RBFOX1: variants seen among roughly 807,000 people sequenced by gnomAD.
The protein encoded by RBFOX1 is RNA binding fox-1 homolog 1.
In RBFOX1, 8 loss-of-function variants were observed where a neutral mutation model predicts 57.7. The observed-to-expected ratio is 0.14, with a 90% CI of 0.08 to 0.25. RBFOX1 has a LOEUF of 0.25. Ranked by LOEUF, RBFOX1 falls within the 10% of genes least tolerant of loss-of-function variation. The pLI is 1.00. For synonymous variants in RBFOX1, 326 were observed against 222.4 expected (o/e 1.47, Z -4.15); for missense variants, 611 against 548.5 (o/e 1.11, Z -1.14).
intron 3 of RBFOX1, among the ~76,000 whole-genome samples, chr16:6,658,936 GTTTTTTTTGTTT>G (rs1343036004): frequency 9.2e-6 from 1 of 108,486 alleles, no homozygotes; most frequent in Non-Finnish European, 2.0e-5. Flanking sequence ...TGGTTTTTTT[GTTTTTTTTGTTT>G]TTTTTTTTCC....
chr16:7,370,483 G>A (rs572782355), intron 4 of RBFOX1, among the ~76,000 whole-genome samples: 26 of 152,186 alleles, frequency 1.7e-4, no homozygotes, highest in Admixed American at 4.6e-4. Context: ...TTATCAACGC[G>A]GGTAAGTTCT....
At chr16:6,670,771 G>A (rs555005486) in intron 3 of RBFOX1, among the ~76,000 whole-genome samples, 44 of 152,234 alleles carry the variant, frequency 2.9e-4, no homozygotes, top group African/African-American at 9.9e-4. Flanking sequence ...GCCGAGCTGG[G>A]TGGATCACAA....
chr16:5,964,156 C>G (rs1318230097), intron 4 of RBFOX1, among the ~76,000 whole-genome samples: 1 of 152,126 alleles, frequency 6.6e-6, no homozygotes. Context: ...TGAAAAGGTG[C>G]TCAGCATGAT....
chr16:6,027,133 G>A lies in RBFOX1; in HGVS notation c.-127+7141G>A, dbSNP rs140034762. Among the ~76,000 whole-genome samples the A allele has an allele frequency of 3.4e-3, 521 of 152,280 alleles. 1 individual carries two copies. The highest frequency in any genetic ancestry group is 0.012 in the African/African-American group (497 of 41,570). The stretch of plus-strand genomic sequence containing the variant: ...GTCAGAGATGAGGGTGAGGACTTGA[G>A]GTTTTCAAAATTGTCTTCTTTGTAC... On this transcript the variant is annotated intron_variant, in intron 1 of 15. Coordinates refer to ENST00000550418, the MANE Select transcript of RBFOX1 (RefSeq NM_018723.4).
chr16:6,902,123 A>C (rs4786949), intron 3 of RBFOX1, among the ~76,000 whole-genome samples: 71,579 of 152,034 alleles, frequency 0.47, 17,529 homozygotes, highest in East Asian at 0.76. Context: ...ACTTGAAACC[A>C]GGAGTGCTGG....
At chr16:5,391,896 C>A (rs1299726658) in intron 1 of RBFOX1, among the ~76,000 whole-genome samples, 1 of 151,026 alleles carries the variant, frequency 6.6e-6, no homozygotes, top group South Asian at 2.1e-4. Flanking sequence ...TGTATACACA[C>A]ACACACACAC....
intron 1 of RBFOX1, among the ~76,000 whole-genome samples, chr16:6,224,221 A>T (rs7198447): frequency 0.97 from 146,998 of 151,612 alleles, 71,388 homozygotes; most frequent in South Asian, 1. Context: ...TAAAGTAGTT[A>T]TTTTTTTCCA....
intron 3 of RBFOX1, among the ~76,000 whole-genome samples, chr16:6,866,917 C>T (rs2060035769): frequency 6.6e-6 from 1 of 151,580 alleles, no homozygotes; most frequent in Non-Finnish European, 1.5e-5. Context: ...ATAAGGAAAC[C>T]AGCCCTTATG....
intron 6 of RBFOX1, among the ~76,000 whole-genome samples, chr16:7,580,411 C>T (rs764556039): frequency 5.3e-5 from 8 of 152,186 alleles, no homozygotes; most frequent in Non-Finnish European, 1.0e-4. Flanking sequence ...ACTACTTCTG[C>T]ATAAAGCTGA....
chr16:6,686,876 CAA>C (rs776784953), intron 3 of RBFOX1, among the ~76,000 whole-genome samples: 2 of 152,186 alleles, frequency 1.3e-5, no homozygotes, highest in African/African-American at 2.4e-5. Flanking sequence ...GTGCTTAAGA[CAA>C]TGATAATCTT....
Position 6,900,540 on chromosome 16 carries a change from C to G in RBFOX1, c.-15-151517C>G, listed in dbSNP as rs147042519. ...GCCCTGCCCTTCTCTCAACACTCATCTGCTTCTCCCCTTACTCATTATTTC... is the reference window on the plus strand; with the variant it reads ...GCCCTGCCCTTCTCTCAACACTCATGTGCTTCTCCCCTTACTCATTATTTC... On this transcript the variant is annotated intron_variant, in intron 3 of 15. Transcript: ENST00000550418. Among the ~76,000 whole-genome samples the G allele has an allele frequency of 6.4e-4, 98 of 152,350 alleles. 1 individual carries two copies. The highest frequency in any genetic ancestry group is 2.2e-3 in the African/African-American group (91 of 41,588).
At chr16:7,688,221 A>ATGTGTGTGTGTGTGTGTG (rs3029191) in intron 14 of RBFOX1, among the ~76,000 whole-genome samples, 7 of 121,006 alleles carry the variant, frequency 5.8e-5, no homozygotes, top group Admixed American at 8.6e-5. Context: ...GCAGGTTTAA[A>ATGTGTGTGTGTGTGTGTG]TGTGTGTGTG....
intron 3 of RBFOX1, among the ~76,000 whole-genome samples, chr16:6,880,118 C>T (rs965966950): frequency 6.6e-6 from 1 of 152,182 alleles, no homozygotes; most frequent in African/African-American, 2.4e-5. Flanking sequence ...TTTCGAGTTA[C>T]TTCTTGTCAG....
chr16:6,956,593 G>C (rs2081896841), intron 3 of RBFOX1, among the ~76,000 whole-genome samples: 1 of 152,246 alleles, frequency 6.6e-6, no homozygotes, highest in African/African-American at 2.4e-5. Context: ...GTGGGAGACA[G>C]AGGAGTGAGT....
intron 1 of RBFOX1, among the ~76,000 whole-genome samples, chr16:6,187,315 G>T (rs1035131438): frequency 1.3e-5 from 2 of 152,060 alleles, no homozygotes; most frequent in African/African-American, 2.4e-5. Context: ...ATGAGAGGAG[G>T]AAAGAGTAGA....
intron 5 of RBFOX1, among the ~76,000 whole-genome samples, chr16:7,564,559 A>C (rs1949411785): frequency 8.0e-6 from 1 of 125,224 alleles, no homozygotes; most frequent in African/African-American, 2.6e-5. Context: ...AAAAAAAAAA[A>C]AAAAAAAAAG....
chr16:7,130,192 C>A (rs532297444), intron 4 of RBFOX1, among the ~76,000 whole-genome samples: 1 of 151,924 alleles, frequency 6.6e-6, no homozygotes, highest in Non-Finnish European at 1.5e-5. Context: ...TGCCACCATG[C>A]CCAGCTAATT....
intron 1 of RBFOX1, among the ~76,000 whole-genome samples, chr16:5,344,612 C>T (rs1005258847): frequency 4.6e-5 from 7 of 152,132 alleles, no homozygotes; most frequent in African/African-American, 7.2e-5. Flanking sequence ...CCCCCTCCCC[C>T]GGCTGTGAGG....
At chr16:6,107,336 A>C (rs1034385141) in intron 1 of RBFOX1, among the ~76,000 whole-genome samples, 4 of 152,020 alleles carry the variant, frequency 2.6e-5, no homozygotes, top group Admixed American at 6.6e-5. Context: ...CACTTTCCTA[A>C]CACAGCATTA....
Sources: gnomAD v4.1 joint callset for allele counts (sites outside exome capture counted in the v4.1 genomes callset) on GRCh38, gnomAD v4.1.1 for gene constraint, MANE v1.5 for transcripts, NCBI Gene and HGNC (gene_info 2026-07-23, HGNC 2026-07-21) for gene names.